ATRNL1: variants seen among roughly 807,000 people sequenced by gnomAD.
The protein encoded by ATRNL1 is attractin-like protein 1.
A neutral mutation model predicts 182.7 loss-of-function variants in ATRNL1; 95 were observed. The observed-to-expected ratio is 0.52, with a 90% CI of 0.44 to 0.62. The LOEUF (loss-of-function observed/expected upper bound fraction) is 0.62. Among genes scored for constraint, ATRNL1 ranks in the 20% least tolerant of loss-of-function variants. ATRNL1 has a pLI of 0.00. For missense variants in ATRNL1, 1,471 were observed against 1,679.5 expected, an observed-to-expected ratio of 0.88 and a Z score of 2.17; for synonymous variants, 576 against 568.3, an observed-to-expected ratio of 1.01 and a Z score of -0.19.
intron 8 of ATRNL1, among the ~76,000 whole-genome samples, chr10:115,200,016 T>C (rs1848500723): frequency 6.6e-6 from 1 of 152,036 alleles, no homozygotes; most frequent in Non-Finnish European, 1.5e-5. Context: ...AATGTTTGCA[T>C]AGGGTGTGCA....
chr10:115,507,940 T>C (rs1850196554), intron 24 of ATRNL1, among the ~76,000 whole-genome samples: 1 of 152,000 alleles, frequency 6.6e-6, no homozygotes, highest in African/African-American at 2.4e-5. Flanking sequence ...AAACTGCTGG[T>C]ATAGGCATAC....
chr10:115,476,271 GA>G, intron 24 of ATRNL1, among the ~76,000 whole-genome samples: 1 of 151,426 alleles, frequency 6.6e-6, no homozygotes, highest in East Asian at 1.9e-4. Flanking sequence ...TATGGTCAGA[GA>G]AAAACTATGG....
intron 19 of ATRNL1, among the ~76,000 whole-genome samples, chr10:115,378,188 C>T (rs1336614202): frequency 6.6e-6 from 1 of 152,164 alleles, no homozygotes; most frequent in East Asian, 1.9e-4. Context: ...GGTGGGTACA[C>T]CTGCTCTCAG....
chr10:115,602,220 G>A (rs924661859), intron 26 of ATRNL1, among the ~76,000 whole-genome samples: 1 of 152,008 alleles, frequency 6.6e-6, no homozygotes, highest in Non-Finnish European at 1.5e-5. Flanking sequence ...TGGGCATGGT[G>A]GTGGGCACCT....
chr10:115,153,385 C>G (rs1306182245), intron 5 of ATRNL1, among the ~76,000 whole-genome samples: 1 of 152,252 alleles, frequency 6.6e-6, no homozygotes, highest in South Asian at 2.1e-4. Flanking sequence ...ATTATTGCCT[C>G]AATTTCAGAG....
intron 27 of ATRNL1, among the ~76,000 whole-genome samples, chr10:115,843,686 T>G (rs1950862061): frequency 6.6e-6 from 1 of 152,048 alleles, no homozygotes; most frequent in African/African-American, 2.4e-5. Context: ...TGTGATTAGA[T>G]GAGTATGTAG....
At chr10:115,557,633 AG>A (rs1379661725) in intron 26 of ATRNL1, among the ~76,000 whole-genome samples, 1 of 152,182 alleles carries the variant, frequency 6.6e-6, no homozygotes, top group Non-Finnish European at 1.5e-5. Flanking sequence ...TGGATGCAAA[AG>A]TTTGACTGAA....
intron 15 of ATRNL1, among the ~76,000 whole-genome samples, chr10:115,288,994 G>C (rs1852764241): frequency 6.6e-6 from 1 of 152,154 alleles, no homozygotes; most frequent in Non-Finnish European, 1.5e-5. Flanking sequence ...TCATGCTGCT[G>C]ATAAAGACAT....
At chr10:115,699,632 ACAGT>A (rs1293370936) in intron 26 of ATRNL1, among the ~76,000 whole-genome samples, 1 of 152,202 alleles carries the variant, frequency 6.6e-6, no homozygotes, top group South Asian at 2.1e-4. Context: ...AGGACCATTC[ACAGT>A]CAGAGAACAT....
chr10:115,467,106 A>G, intron 22 of ATRNL1, 68 bp from the exon 23 acceptor site: 2 of 840,516 alleles, frequency 2.4e-6, no homozygotes, highest in South Asian at 3.0e-5. Context: ...TAATTAAATC[A>G]GTAGACTAAA....
rs902149251 is a variant in ATRNL1, at chr10:115,469,117, T to G, written c.3497-55T>G. On this transcript the variant is annotated intron_variant, in intron 23 of 28. Transcript: ENST00000355044. ...TTATAAAAAACTATAATATGCATTT[T>G]TAAATTCATAAAGATATTTCCTAAT... 19 of 683,682 alleles carry G rather than the reference T, an allele frequency of 2.8e-5. No individual in the cohort carries two copies. The African/African-American group carries it at 3.4e-4, about 12-fold the overall frequency. The allele number at this position is 683,682 out of a possible 1,614,324, so 42.4% of individuals were successfully genotyped here.
rs1268961155 is a variant in ATRNL1, at chr10:115,479,868, T to A, written c.3654+10539T>A. Among the ~76,000 whole-genome samples the A allele has an allele frequency of 3.3e-5, 5 of 151,310 alleles. No individual in the cohort carries two copies. In the Admixed American group the frequency reaches 3.3e-4, roughly 10 times the overall value. On this transcript the variant is annotated intron_variant, in intron 24 of 28. Transcript: ENST00000355044. ...TGTATTGAACTTAAGTACTTTGTAT[T>A]CTACAATAGTGCTGTTCATCAACAT...
intron 26 of ATRNL1, among the ~76,000 whole-genome samples, chr10:115,602,739 T>C (rs970151881): frequency 2.0e-4 from 31 of 151,974 alleles, no homozygotes; most frequent in African/African-American, 7.3e-4. Context: ...GGCAGGCACC[T>C]GTAGTCACAG....
intron 26 of ATRNL1, among the ~76,000 whole-genome samples, chr10:115,665,103 G>T (rs1860924170): frequency 6.6e-6 from 1 of 152,118 alleles, no homozygotes; most frequent in South Asian, 2.1e-4. Flanking sequence ...TACAGAGAAT[G>T]TAGTTCAATA....
chr10:115,363,011 T>C lies in ATRNL1; in HGVS notation c.3175+28592T>C, dbSNP rs535647302. On this transcript the variant is annotated intron_variant, in intron 19 of 28. Coordinates refer to ENST00000355044, the MANE Select transcript of ATRNL1 (RefSeq NM_207303.4). Reference sequence around the variant, plus strand: ...TGCATGTGTCTTTATAGCAGCATGATTTACAGTCCTTTGGGTATATACCCA... The same window carrying C: ...TGCATGTGTCTTTATAGCAGCATGACTTACAGTCCTTTGGGTATATACCCA... 4.9e-3 allele frequency among the ~76,000 whole-genome samples: 745 copies of C among 152,146 alleles called. 6 individuals carry two copies. The highest frequency in any genetic ancestry group is 4.7e-3 in the Non-Finnish European group (320 of 68,010).
At chr10:115,286,867 T>C (rs1852641997) in intron 15 of ATRNL1, among the ~76,000 whole-genome samples, 1 of 151,954 alleles carries the variant, frequency 6.6e-6, no homozygotes, top group African/African-American at 2.4e-5. Flanking sequence ...CATTAGTCTC[T>C]AAACAATACG....
At chr10:115,776,184 C>T (rs375093869) in intron 27 of ATRNL1, among the ~76,000 whole-genome samples, 2 of 152,054 alleles carry the variant, frequency 1.3e-5, no homozygotes, top group Non-Finnish European at 2.9e-5. Context: ...GGTATATTAT[C>T]TAGCGAGTAA....
chr10:115,851,357 G>A (rs1362383303), intron 28 of ATRNL1, among the ~76,000 whole-genome samples: 1 of 60,130 alleles, frequency 1.7e-5, no homozygotes, highest in African/African-American at 7.2e-5. Context: ...AGCAGCTAGT[G>A]ATTTTTTTTT....
At chr10:115,587,229 G>C (rs1218309021) in intron 26 of ATRNL1, among the ~76,000 whole-genome samples, 1 of 152,034 alleles carries the variant, frequency 6.6e-6, no homozygotes, top group African/African-American at 2.4e-5. Flanking sequence ...CCTGCCCCCA[G>C]AGGTGGAGCC....
Sources: gnomAD v4.1 joint callset for allele counts (sites outside exome capture counted in the v4.1 genomes callset) on GRCh38, gnomAD v4.1.1 for gene constraint, MANE v1.5 for transcripts, NCBI Gene and HGNC (gene_info 2026-07-23, HGNC 2026-07-21) for gene names.